EFHC2: variants seen among roughly 807,000 people sequenced by gnomAD.
The protein encoded by EFHC2 is EF-hand domain-containing family member C2.
In EFHC2, 18 loss-of-function variants were observed where a neutral mutation model predicts 52.7. That is an observed-to-expected ratio of 0.34 (90% confidence interval 0.24 to 0.51). The LOEUF (loss-of-function observed/expected upper bound fraction) is 0.51. Ranked by LOEUF, EFHC2 falls within the 20% of genes least tolerant of loss-of-function variation. The pLI, the probability that EFHC2 is intolerant of heterozygous loss-of-function variation, is 0.97. For missense variants in EFHC2, 513 were observed against 562.5 expected (o/e 0.91, Z 0.89); for synonymous variants, 203 against 204.1 (o/e 0.99, Z 0.04).
intron 11 of EFHC2, among the ~76,000 whole-genome samples, chrX:44,186,636 C>CT (rs757599746): frequency 2.7e-4 from 30 of 111,363 alleles, no homozygotes; most frequent in African/African-American, 9.8e-4. Context: ...ATCAGGGGGC[C>CT]TTACATGATG....
chrX:44,222,304 G>T (rs1277525434), intron 11 of EFHC2, among the ~76,000 whole-genome samples: 1 of 111,103 alleles, frequency 9.0e-6, no homozygotes, highest in African/African-American at 3.3e-5. Flanking sequence ...ATCTAAGGAG[G>T]GCAAGTGCCA....
At chrX:44,315,962 T>C (rs2037980346) in intron 1 of EFHC2, among the ~76,000 whole-genome samples, 1 of 111,727 alleles carries the variant, frequency 9.0e-6, no homozygotes, top group Non-Finnish European at 1.9e-5. Context: ...GAATATTTAC[T>C]AAAGCCTAAT....
intron 10 of EFHC2, 54 bp downstream of exon 10, chrX:44,232,427 C>A: frequency 1.0e-6 from 1 of 952,498 alleles, no homozygotes; most frequent in Non-Finnish European, 1.4e-6. Context: ...GAAAGAAAAA[C>A]ACAGACTGCG....
Position 44,184,741 on chromosome X carries a change from A to AG in EFHC2, c.1752-6178_1752-6177insC, listed in dbSNP as rs2036861346. ...TCCATCTCAAAAAAAAAAAAAAAAAAAAAGTGTGACCCCTTCCTCTACAAC... is the reference window on the plus strand; with the variant it reads ...TCCATCTCAAAAAAAAAAAAAAAAAAGAAAGTGTGACCCCTTCCTCTACAAC... On this transcript the variant is annotated intron_variant, in intron 11 of 14. Transcript: ENST00000420999. 6.4e-5 allele frequency among the ~76,000 whole-genome samples: 7 copies of AG among 109,327 alleles called. No individual in the cohort carries two copies. The East Asian group carries it at 2.0e-3, about 31-fold the overall frequency. 94.9% of individuals were successfully genotyped at this position (109,327 alleles called of 115,157 possible).
chrX:44,207,023 T>C (rs1307345594), intron 11 of EFHC2, among the ~76,000 whole-genome samples: 3 of 111,143 alleles, frequency 2.7e-5, no homozygotes, highest in Admixed American at 1.9e-4. Context: ...CACGTACTAA[T>C]AGATCAATGG....
chrX:44,261,349 G>A (rs2037537297), intron 3 of EFHC2, 51 bp from the exon 4 acceptor site: 1 of 1,037,152 alleles, frequency 9.6e-7, no homozygotes, highest in African/African-American at 1.9e-5. Context: ...TAACAAGTAA[G>A]AAGATACAGC....
At chrX:44,217,364 C>G (rs1007900201) in intron 11 of EFHC2, among the ~76,000 whole-genome samples, 1 of 111,691 alleles carries the variant, frequency 9.0e-6, no homozygotes, top group Non-Finnish European at 1.9e-5. Context: ...AGCAATCTCA[C>G]TGCTGGGTAT....
chrX:44,236,977 A>G (rs2037324912), intron 8 of EFHC2, among the ~76,000 whole-genome samples: 1 of 111,402 alleles, frequency 9.0e-6, no homozygotes, highest in African/African-American at 3.3e-5. Flanking sequence ...ATAAGTGTAC[A>G]TGTTAAGTGT....
At chrX:44,156,711 C>G (rs2036608844) in intron 14 of EFHC2, among the ~76,000 whole-genome samples, 1 of 112,340 alleles carries the variant, frequency 8.9e-6, no homozygotes, top group African/African-American at 3.2e-5. Context: ...GATAAGACGC[C>G]AGTCACACAG....
chrX:44,310,305 G>C, intron 2 of EFHC2: 2 of 881,796 alleles, frequency 2.3e-6, no homozygotes, highest in South Asian at 2.1e-5. Context: ...TTTAGTTTTC[G>C]GCTCGCGGGC....
chrX:44,268,864 A>G (rs980562018), intron 3 of EFHC2, among the ~76,000 whole-genome samples: 3 of 111,770 alleles, frequency 2.7e-5, no homozygotes, highest in Non-Finnish European at 3.8e-5. Context: ...CATACTTTTA[A>G]CCTTAAAATT....
chrX:44,281,996 G>A (rs1362030596), intron 2 of EFHC2, among the ~76,000 whole-genome samples: 2 of 111,238 alleles, frequency 1.8e-5, no homozygotes, highest in African/African-American at 6.5e-5. Flanking sequence ...CTGCGGCAAT[G>A]TAATGTTATG....
chrX:44,207,087 T>C (rs1602151271), intron 11 of EFHC2, among the ~76,000 whole-genome samples: 1 of 112,060 alleles, frequency 8.9e-6, no homozygotes, highest in Middle Eastern at 4.7e-3. Context: ...AACTGATCTT[T>C]GACAAAGCTG....
At chrX:44,196,709 AC>A (rs1279443818) in intron 11 of EFHC2, among the ~76,000 whole-genome samples, 1 of 112,099 alleles carries the variant, frequency 8.9e-6, no homozygotes, top group Non-Finnish European at 1.9e-5. Flanking sequence ...TGCTTTCTAG[AC>A]CCAGAGTGTA....
chrX:44,273,939 T>G lies in EFHC2; in HGVS notation c.232-1103A>C, dbSNP rs753471351. 1.6e-4 allele frequency among the ~76,000 whole-genome samples: 18 copies of G among 111,931 alleles called. No individual in the cohort carries two copies. In the Admixed American group the frequency reaches 1.6e-3, roughly 10 times the overall value. On this transcript the variant is annotated intron_variant, in intron 2 of 14. Transcript: ENST00000420999. ...AGTCTGTTAGATGCAATCTACCCTC[T>G]AGGGGTGGTGGTCAGTTAACCTAAG... is the stretch of plus-strand genomic sequence containing the variant.
At chrX:44,152,958 AG>A (rs1264577249) in intron 14 of EFHC2, among the ~76,000 whole-genome samples, 4 of 111,981 alleles carry the variant, frequency 3.6e-5, no homozygotes, top group African/African-American at 1.3e-4. Flanking sequence ...TCCAAATAAA[AG>A]TTTTCAACAC....
chrX:44,151,980 A>C lies in EFHC2; in HGVS notation c.2149-3084T>G, dbSNP rs182067957. Among the ~76,000 whole-genome samples the C allele has an allele frequency of 2.6e-4, 29 of 111,948 alleles. No homozygotes were observed. The East Asian group carries it at 7.3e-3, about 28-fold the overall frequency. On this transcript the variant is annotated intron_variant, in intron 14 of 14. Transcript: ENST00000420999. ...TCACTGAAATATGAGTCATATATGA[A>C]ATATAACATTGTCATAGAATCAGAA...
intron 11 of EFHC2, among the ~76,000 whole-genome samples, chrX:44,218,912 A>G (rs1318846043): frequency 9.0e-6 from 1 of 111,633 alleles, no homozygotes; most frequent in Non-Finnish European, 1.9e-5. Flanking sequence ...AGGTTTATTC[A>G]TATTAGCCCC....
chrX:44,181,044 A>G (rs930612356), intron 11 of EFHC2, among the ~76,000 whole-genome samples: 24 of 110,373 alleles, frequency 2.2e-4, no homozygotes, highest in Non-Finnish European at 4.0e-4. Flanking sequence ...GCAGTGAGCT[A>G]TGATCATACC....
Sources: allele counts gnomAD v4.1 joint callset (sites outside exome capture counted in the v4.1 genomes callset), GRCh38; gene constraint gnomAD v4.1.1; transcripts MANE v1.5; gene names NCBI Gene and HGNC (gene_info 2026-07-23, HGNC 2026-07-21).